The following PCDHA13 variants were observed in gnomAD, a reference collection of about 807,000 sequenced individuals.
The protein encoded by PCDHA13 is protocadherin alpha 13.
Under a neutral mutation model 64.8 loss-of-function variants are expected in PCDHA13, and 54 were observed. The ratio of observed to expected loss-of-function variants is 0.83; its 90% CI spans 0.67 to 1.04. PCDHA13 has a LOEUF of 1.04. PCDHA13 is among the 50% of genes least tolerant of loss of function. PCDHA13 has a pLI of 0.00. For missense variants in PCDHA13, 1,248 were observed against 1,254.3 expected (o/e 0.99, Z 0.08); for synonymous variants, 587 against 564.4 (o/e 1.04, Z -0.57).
At chr5:140,886,368 C>T (rs1174734883) in intron 1 of PCDHA13, among the ~76,000 whole-genome samples, 2 of 152,040 alleles carry the variant, frequency 1.3e-5, no homozygotes, top group South Asian at 4.1e-4. Context: ...GGTGTACATG[C>T]CATGGTGTGC....
At position 140,987,235 on chromosome 5, in the gene PCDHA13, T is replaced by G. The variant is rs189203030; in HGVS notation, c.2542+4672T>G. Among the ~76,000 whole-genome samples, 565 of 151,370 alleles carry G rather than the reference T, an allele frequency of 3.7e-3. 4 individuals are homozygous for G. The highest frequency in any genetic ancestry group is 0.013 in the African/African-American group (539 of 41,236). On this transcript the variant is annotated intron_variant, in intron 3 of 3. Transcript: ENST00000289272. Reference sequence around the variant, plus strand: ...TCTCAAAAAAAAAAAAAATAATAAATAAAGAAAGAAAGACATTCTCAGGAA... The same window carrying G: ...TCTCAAAAAAAAAAAAAATAATAAAGAAAGAAAGAAAGACATTCTCAGGAA...
chr5:140,989,552 G>A (rs975079697), intron 3 of PCDHA13, among the ~76,000 whole-genome samples: 33 of 152,180 alleles, frequency 2.2e-4, no homozygotes, highest in African/African-American at 7.7e-4. Context: ...ATTCCTTTAC[G>A]TTTTGTGGCT....
intron 1 of PCDHA13, chr5:140,929,360 C>G (rs781864515): frequency 5.3e-6 from 8 of 1,519,748 alleles, no homozygotes; most frequent in Non-Finnish European, 6.2e-6. Flanking sequence ...TTCCTTTGGC[C>G]CGGAGATGGC....
In PCDHA13 at chr5:140,993,462, T is replaced by C. The variant is rs540334246; in HGVS notation, c.2542+10899T>C. ...CATTCCTGTTCTCCTTCTTTCTTTCTCACACACACACACACACACACACAC... is the reference window on the plus strand; with the variant it reads ...CATTCCTGTTCTCCTTCTTTCTTTCCCACACACACACACACACACACACAC... On this transcript the variant is annotated intron_variant, in intron 3 of 3. Transcript: ENST00000289272. Among the ~76,000 whole-genome samples the C allele has an allele frequency of 4.2e-3, 597 of 141,044 alleles. 4 individuals are homozygous for C. Among genetic ancestry groups the C allele is most frequent in the African/African-American group, 0.015 (577 of 37,966 alleles). 92.5% of individuals were successfully genotyped at this position (141,044 alleles called of 152,430 possible).
intron 3 of PCDHA13, among the ~76,000 whole-genome samples, chr5:140,999,721 G>T (rs2097872214): frequency 6.6e-6 from 1 of 152,150 alleles, no homozygotes; most frequent in South Asian, 2.1e-4. Flanking sequence ...ACGGAGACCA[G>T]CCATTCCAAT....
intron 1 of PCDHA13, among the ~76,000 whole-genome samples, chr5:140,945,069 A>G (rs550774069): frequency 6.6e-6 from 1 of 152,278 alleles, no homozygotes; most frequent in East Asian, 1.9e-4. Context: ...TACAGACTCC[A>G]CCAAAACACT....
chr5:140,981,626 T>A (rs1199717691), intron 2 of PCDHA13, among the ~76,000 whole-genome samples: 1 of 152,176 alleles, frequency 6.6e-6, no homozygotes, highest in Middle Eastern at 3.2e-3. Flanking sequence ...GAGGGTTTTC[T>A]TGGACATTTT....
intron 1 of PCDHA13, among the ~76,000 whole-genome samples, chr5:140,944,853 C>G (rs1230548858): frequency 6.6e-6 from 1 of 152,118 alleles, no homozygotes; most frequent in Non-Finnish European, 1.5e-5. Context: ...TTAGAATCAT[C>G]CTTATTTATC....
In PCDHA13 at chr5:140,982,463, G is replaced by A. The variant is rs781833977; in HGVS notation, c.2454-12G>A. 1 of 1,614,060 alleles carries A rather than the reference G, an allele frequency of 6.2e-7. No individual in the cohort carries two copies. The highest frequency in any genetic ancestry group is 1.3e-5 in the African/African-American group (1 of 74,928). On this transcript the variant is annotated splice_polypyrimidine_tract_variant and intron_variant, in intron 2 of 3. Coordinates refer to ENST00000289272, the MANE Select transcript of PCDHA13 (RefSeq NM_018904.3). ...TGATCTAACCGTTATCTGGGTCTGT[G>A]TGTTTATTCAGCTCTGTGCACCTAG...
chr5:140,937,567 G>A lies in PCDHA13; in HGVS notation c.2395-41382G>A, dbSNP rs1218260457. On this transcript the variant is annotated intron_variant, in intron 1 of 3. Transcript: ENST00000289272. ...GCGAGGCAGAGGTTGCAGTGAGCTG[G>A]GATCGCGTCACTGCACTCTAGCCTG... 1.9e-3 allele frequency among the ~76,000 whole-genome samples: 288 copies of A among 150,684 alleles called. 1 individual carries two copies. Among genetic ancestry groups the A allele is most frequent in the African/African-American group, 6.8e-3 (278 of 40,792 alleles).
chr5:140,893,528 G>C (rs541953324), intron 1 of PCDHA13, among the ~76,000 whole-genome samples: 2 of 152,254 alleles, frequency 1.3e-5, no homozygotes, highest in Admixed American at 6.5e-5. Context: ...ACTCCTTTAA[G>C]TATTTCTTGT....
Position 140,931,003 on chromosome 5 carries a change from A to G in PCDHA13, c.2394+46341A>G, listed in dbSNP as rs2087240942. On this transcript the variant is annotated intron_variant, in intron 1 of 3. Coordinates refer to ENST00000289272, the MANE Select transcript of PCDHA13 (RefSeq NM_018904.3). The stretch of plus-strand genomic sequence containing the variant: ...CTTCCTCATGACCTACACTAATAAC[A>G]TAACAGAGGAATTTTCTGATTGTAG... Among the ~76,000 whole-genome samples the G allele has an allele frequency of 2.0e-5, 3 of 152,232 alleles. No homozygotes were observed. The South Asian group carries it at 6.2e-4, about 32-fold the overall frequency.
At chr5:140,900,700 T>C (rs557185787) in intron 1 of PCDHA13, among the ~76,000 whole-genome samples, 1 of 152,352 alleles carries the variant, frequency 6.6e-6, no homozygotes, top group South Asian at 2.1e-4. Context: ...ATTTCCGTTC[T>C]TTTGGAAAGA....
rs781870271 is a variant in PCDHA13, at chr5:140,968,199, T to C, written c.2395-10750T>C. The C allele has an allele frequency of 4.3e-6, 7 of 1,613,986 alleles. No homozygotes were observed. The South Asian group carries it at 7.7e-5, about 18-fold the overall frequency. The stretch of plus-strand genomic sequence containing the variant: ...CTGGAGGACTCCTATTCCATCTACA[T>C]ACAGGAGAACAATTTGCCAGGTGTG... On this transcript the variant is annotated intron_variant, in intron 1 of 3. Transcript: ENST00000289272.
At chr5:140,978,835 A>G in intron 1 of PCDHA13, 114 bp from the exon 2 acceptor site, 2 of 1,550,342 alleles carry the variant, frequency 1.3e-6, no homozygotes, top group Non-Finnish European at 1.7e-6. Flanking sequence ...TGGCTCATTC[A>G]ATACTTTTTT....
chr5:140,931,659 G>A (rs1554208521), intron 1 of PCDHA13, among the ~76,000 whole-genome samples: 1 of 151,694 alleles, frequency 6.6e-6, no homozygotes, highest in Non-Finnish European at 1.5e-5. Flanking sequence ...GTTGTGGGCT[G>A]GATATTTCCT....
At chr5:140,930,649 G>A (rs1300720133) in intron 1 of PCDHA13, among the ~76,000 whole-genome samples, 1 of 152,156 alleles carries the variant, frequency 6.6e-6, no homozygotes, top group Non-Finnish European at 1.5e-5. Context: ...GGAAAATGAA[G>A]CATTCCTTGT....
chr5:140,956,562 T>C (rs1395246956), intron 1 of PCDHA13, among the ~76,000 whole-genome samples: 1 of 152,212 alleles, frequency 6.6e-6, no homozygotes, highest in Non-Finnish European at 1.5e-5. Flanking sequence ...CAGTATCTTA[T>C]TGAGGATTTT....
rs2098420479 is a variant in PCDHA13, at chr5:141,011,408, T to TAC, written c.*1472_*1473insCA. 6.5e-6 allele frequency: 1 copy of TAC among 153,814 alleles called. No individual in the cohort carries two copies. The highest frequency in any genetic ancestry group is 2.4e-5 in the African/African-American group (1 of 41,476). 9.5% of individuals were successfully genotyped at this position (153,814 alleles called of 1,614,324 possible). ...GAAATATACTTACTCTGTGCTTGTG[T>TAC]ATGTGAATGTTAATGCAACTATTAC... On this transcript the variant is annotated 3_prime_UTR_variant, in exon 4 of 4. Coordinates refer to ENST00000289272, the MANE Select transcript of PCDHA13 (RefSeq NM_018904.3).
Sources: allele counts gnomAD v4.1 joint callset (sites outside exome capture counted in the v4.1 genomes callset), GRCh38; gene constraint gnomAD v4.1.1; transcripts MANE v1.5; gene names NCBI Gene and HGNC (gene_info 2026-07-23, HGNC 2026-07-21).